TACR1: variants seen among roughly 807,000 people sequenced by gnomAD.
TACR1 encodes tachykinin receptor 1.
Under a neutral mutation model 35.8 loss-of-function variants are expected in TACR1, and 25 were observed. The ratio of observed to expected loss-of-function variants is 0.70; its 90% CI spans 0.51 to 0.98. The LOEUF is 0.98. Ranked by LOEUF, TACR1 falls within the 50% of genes least tolerant of loss-of-function variation. TACR1 has a pLI of 0.00. For synonymous variants in TACR1, 195 were observed against 206.7 expected (o/e 0.94, Z 0.48); for missense variants, 478 against 522.9 (o/e 0.91, Z 0.84).
Position 75,120,672 on chromosome 2 carries a change from G to A in TACR1, c.486C>T (p.Ala162=), listed in dbSNP as rs1304229153. 3 of 1,614,102 alleles carry A rather than the reference G, an allele frequency of 1.9e-6. No homozygotes were observed. The highest frequency in any genetic ancestry group is 1.1e-5 in the South Asian group (1 of 91,066). ...TGGTTGAGTAGTAGCCCTGGGGGAA[G>A]GCCAGCAGGAGAGCCAGGACCCAGA... ...CVIWVLALLL[A]FPQGYYSTTE... The change falls in exon 2 of 5, where the codon GCC becomes GCT. Residue 162 remains alanine, a synonymous_variant. Transcript: ENST00000305249.
chr2:75,108,718 T>C (rs898708329), intron 2 of TACR1, among the ~76,000 whole-genome samples: 4 of 150,470 alleles, frequency 2.7e-5, no homozygotes, highest in Admixed American at 1.3e-4. Flanking sequence ...GATATGATTG[T>C]ATTCCTAGAA....
At chr2:75,070,251 GTA>G (rs1299599107) in intron 2 of TACR1, among the ~76,000 whole-genome samples, 2,701 of 98,550 alleles carry the variant, frequency 0.027, 63 homozygotes, top group African/African-American at 0.12. Context: ...GTGTGTGTGT[GTA>G]TGTGTGTGTG....
rs1672421837 is a variant in TACR1 at position 75,049,366 on chromosome 2, A to C, written c.*66T>G. The C allele has an allele frequency of 6.6e-7, 1 of 1,526,290 alleles. No homozygotes were observed. Among genetic ancestry groups the C allele is most frequent in the South Asian group, 1.2e-5 (1 of 80,342 alleles). The allele number at this position is 1,526,290 out of a possible 1,614,324, so 94.5% of individuals were successfully genotyped here. ...TTTCTGATGGTTCCAGATGAAGGGA[A>C]TTTCCATGCATGAAGGGAGGCAGGT... On this transcript the variant is annotated 3_prime_UTR_variant, in exon 5 of 5. Coordinates refer to ENST00000305249, the MANE Select transcript of TACR1 (RefSeq NM_001058.4).
intron 2 of TACR1, among the ~76,000 whole-genome samples, chr2:75,055,571 T>A (rs1369343448): frequency 6.6e-6 from 1 of 152,238 alleles, no homozygotes; most frequent in Non-Finnish European, 1.5e-5. Context: ...CAAATTGCAC[T>A]GACTTCTCCT....
At chr2:75,115,994 C>T (rs1370401400) in intron 2 of TACR1, among the ~76,000 whole-genome samples, 2 of 150,278 alleles carry the variant, frequency 1.3e-5, no homozygotes, top group African/African-American at 4.9e-5. Context: ...AAACAAGGTG[C>T]ATAACAGTGT....
At chr2:75,120,430 A>G (rs1180352876) in intron 2 of TACR1, 144 bp downstream of exon 2, 1 of 667,150 alleles carries the variant, frequency 1.5e-6, no homozygotes, top group Non-Finnish European at 2.4e-6. Context: ...TCAACCTGAT[A>G]TGAGGGTATA....
At chr2:75,194,132 A>G (rs978193459) in intron 1 of TACR1, among the ~76,000 whole-genome samples, 3 of 152,156 alleles carry the variant, frequency 2.0e-5, no homozygotes, top group African/African-American at 7.2e-5. Flanking sequence ...ACCCTTGACC[A>G]TTCAGGACAC....
chr2:75,073,686 G>A (rs985368260), intron 2 of TACR1, among the ~76,000 whole-genome samples: 2 of 152,204 alleles, frequency 1.3e-5, no homozygotes, highest in South Asian at 4.1e-4. Context: ...GCTGACAGGA[G>A]GCTCCTCTGT....
chr2:75,169,170 A>AT (rs1400580951), intron 1 of TACR1, among the ~76,000 whole-genome samples: 1 of 151,990 alleles, frequency 6.6e-6, no homozygotes, highest in Non-Finnish European at 1.5e-5. Context: ...CTTAAATTTC[A>AT]TTTTTTGGTT....
intron 2 of TACR1, among the ~76,000 whole-genome samples, chr2:75,058,915 T>C (rs1452601501): frequency 6.6e-6 from 1 of 152,220 alleles, no homozygotes; most frequent in Non-Finnish European, 1.5e-5. Context: ...TCAAGGTTGA[T>C]AGGCTAATTA....
At chr2:75,132,971 G>A (rs566761838) in intron 1 of TACR1, among the ~76,000 whole-genome samples, 2 of 152,160 alleles carry the variant, frequency 1.3e-5, no homozygotes, top group South Asian at 2.1e-4. Context: ...CTAGGCATTC[G>A]TTTCTAGTTC....
intron 1 of TACR1, among the ~76,000 whole-genome samples, chr2:75,185,518 A>G (rs1675670793): frequency 6.6e-6 from 1 of 152,150 alleles, no homozygotes; most frequent in Non-Finnish European, 1.5e-5. Flanking sequence ...CTGCAATTCA[A>G]TATGGAATTT....
intron 1 of TACR1, among the ~76,000 whole-genome samples, chr2:75,123,108 C>T (rs931591752): frequency 6.6e-6 from 1 of 152,212 alleles, no homozygotes; most frequent in Non-Finnish European, 1.5e-5. Context: ...GCCAGAACCT[C>T]TTTGAGTGTT....
At chr2:75,129,902 G>T (rs1218351773) in intron 1 of TACR1, among the ~76,000 whole-genome samples, 2 of 152,136 alleles carry the variant, frequency 1.3e-5, no homozygotes, top group Non-Finnish European at 2.9e-5. Context: ...GAAGGGGAAT[G>T]ATATTTCCCT....
intron 1 of TACR1, among the ~76,000 whole-genome samples, chr2:75,150,337 A>C (rs1166299029): frequency 6.6e-6 from 1 of 152,200 alleles, no homozygotes; most frequent in African/African-American, 2.4e-5. Flanking sequence ...CTGTGTCCCC[A>C]CGCAAATCTC....
At chr2:75,065,954 G>A (rs1672755334) in intron 2 of TACR1, among the ~76,000 whole-genome samples, 1 of 152,154 alleles carries the variant, frequency 6.6e-6, no homozygotes, top group African/African-American at 2.4e-5. Context: ...TCACAGCCCT[G>A]ATGCTAAGTG....
At chr2:75,117,750 C>T (rs1673893695) in intron 2 of TACR1, among the ~76,000 whole-genome samples, 1 of 152,176 alleles carries the variant, frequency 6.6e-6, no homozygotes, top group East Asian at 1.9e-4. Context: ...CTACATTAGC[C>T]TACAATTGGG....
chr2:75,070,429 T>G (rs1672855786), intron 2 of TACR1, among the ~76,000 whole-genome samples: 1 of 152,174 alleles, frequency 6.6e-6, no homozygotes, highest in Middle Eastern at 3.2e-3. Flanking sequence ...CCTTGTTAAC[T>G]TTTCTAAATG....
intron 1 of TACR1, among the ~76,000 whole-genome samples, chr2:75,172,466 G>A (rs987811017): frequency 5.3e-5 from 8 of 151,956 alleles, no homozygotes; most frequent in South Asian, 2.1e-4. Context: ...TTTTCTTTTC[G>A]GGCTGTCCCC....
Sources: allele counts gnomAD v4.1 joint callset (sites outside exome capture counted in the v4.1 genomes callset), GRCh38; gene constraint gnomAD v4.1.1; transcripts MANE v1.5; gene names NCBI Gene and HGNC (gene_info 2026-07-23, HGNC 2026-07-21).